ADGRV1: variants seen among roughly 807,000 people sequenced by gnomAD.
ADGRV1 encodes the protein adhesion G protein-coupled receptor V1.
Under a neutral mutation model 596.2 loss-of-function variants are expected in ADGRV1, and 359 were observed. The ratio of observed to expected loss-of-function variants is 0.60; its 90% CI spans 0.55 to 0.66. The LOEUF (loss-of-function observed/expected upper bound fraction) is 0.66. Ranked by LOEUF, ADGRV1 falls within the 30% of genes least tolerant of loss-of-function variation. ADGRV1 has a pLI of 0.00. For synonymous variants in ADGRV1, 2,681 were observed against 2,679.2 expected (o/e 1.00, Z -0.02); for missense variants, 7,274 against 7,575.6 (o/e 0.96, Z 1.48).
In ADGRV1 at chr5:91,072,195, G is replaced by T. The variant is rs546795297; in HGVS notation, c.18153-252G>T. Among the ~76,000 whole-genome samples, 137 of 151,962 alleles carry T rather than the reference G, an allele frequency of 9.0e-4. No homozygotes were observed. Among genetic ancestry groups the T allele is most frequent in the Non-Finnish European group, 1.6e-3 (107 of 67,984 alleles). On this transcript the variant is annotated intron_variant, in intron 85 of 89. Coordinates refer to ENST00000405460, the MANE Select transcript of ADGRV1 (RefSeq NM_032119.4). ...AGTGTGCATCTCTCAAATTTATTTG[G>T]CCATAAGCTTTTTTGAAGTTTTCTG...
At chr5:90,713,175 A>ATTCATC (rs1749614190) in intron 42 of ADGRV1, among the ~76,000 whole-genome samples, 1 of 152,124 alleles carries the variant, frequency 6.6e-6, no homozygotes, top group African/African-American at 2.4e-5. Context: ...TTTTTTAAAA[A>ATTCATC]AAATTTTAGT....
chr5:90,809,441 C>T (rs1365245286), intron 73 of ADGRV1, among the ~76,000 whole-genome samples: 1 of 152,124 alleles, frequency 6.6e-6, no homozygotes, highest in Non-Finnish European at 1.5e-5. Context: ...CAGAAGCACA[C>T]AGTTAATATA....
In ADGRV1 at chr5:90,703,779, A is replaced by G. The variant is rs1748221556; in HGVS notation, c.8270A>G (p.Gln2757Arg). The change falls in exon 35 of 90, where the codon CAA (glutamine) becomes CGA (arginine). Residue 2757 changes from glutamine to arginine, a missense_variant. By Grantham distance (43) the Gln-to-Arg change is conservative (BLOSUM62 1). Around this residue, in one of 5 missense-constraint regions of ADGRV1, gnomAD observed 3,643 missense variants for 3,809.2 expected, o/e 0.96. Coordinates refer to ENST00000405460, the MANE Select transcript of ADGRV1 (RefSeq NM_032119.4). ...LELNFANFSG[Q>R]LFFPEGSLNT... ...CTCAATTTTGCTAACTTTAGCGGAC[A>G]ACTTTTCTTTCCTGAGGTAATACTG... 6.3e-7 allele frequency: 1 copy of G among 1,598,044 alleles called. No homozygotes were observed. The highest frequency in any genetic ancestry group is 8.5e-7 in the Non-Finnish European group (1 of 1,172,052).
chr5:91,033,841 T>TA (rs1373619786), intron 85 of ADGRV1, among the ~76,000 whole-genome samples: 1 of 152,198 alleles, frequency 6.6e-6, no homozygotes, highest in Non-Finnish European at 1.5e-5. Flanking sequence ...GGGGGATTCT[T>TA]ACACATCAGT....
At chr5:90,780,152 TAG>T (rs1758687993) in intron 64 of ADGRV1, 3 of 152,310 alleles carry the variant, frequency 2.0e-5, no homozygotes, top group Middle Eastern at 6.8e-3. Flanking sequence ...ACTGACCAGC[TAG>T]AGCTTGAGGA....
At chr5:90,853,113 A>G (rs1367100962) in intron 79 of ADGRV1, among the ~76,000 whole-genome samples, 171 bp from the exon 80 acceptor site, 1 of 152,182 alleles carries the variant, frequency 6.6e-6, no homozygotes, top group African/African-American at 2.4e-5. Flanking sequence ...AAATCATGAC[A>G]ATTATCCACA....
At chr5:90,640,570 A>G (rs1362113151) in intron 11 of ADGRV1, 1 of 152,236 alleles carries the variant, frequency 6.6e-6, no homozygotes, top group Non-Finnish European at 1.5e-5. Context: ...AATGTCTTGA[A>G]TGGGTCTTGA....
chr5:90,961,511 G>C (rs796645893), intron 83 of ADGRV1, among the ~76,000 whole-genome samples: 4 of 145,448 alleles, frequency 2.8e-5, no homozygotes, highest in Non-Finnish European at 4.5e-5. Context: ...AAAAAAAGGG[G>C]GGGTGGCGGT....
chr5:90,962,621 A>ATT (rs1778128961), intron 83 of ADGRV1, among the ~76,000 whole-genome samples: 2 of 152,180 alleles, frequency 1.3e-5, no homozygotes, highest in African/African-American at 4.8e-5. Flanking sequence ...GCCTGGTCAC[A>ATT]TTTAATACCT....
chr5:90,853,014 A>T (rs1258487083), intron 79 of ADGRV1, among the ~76,000 whole-genome samples: 1 of 152,220 alleles, frequency 6.6e-6, no homozygotes, highest in African/African-American at 2.4e-5. Flanking sequence ...CACAGATTTC[A>T]TCTTGATATC....
At position 91,163,859 on chromosome 5, in the gene ADGRV1, G is replaced by T; in HGVS notation, c.18880G>T (p.Val6294Leu). The change falls in exon 90 of 90, where the codon GTG becomes TTG. Residue 6294 changes from valine (V) to leucine (L), a missense_variant. By Grantham distance (32) the Val-to-Leu change is conservative. Coordinates refer to ENST00000405460, the MANE Select transcript of ADGRV1 (RefSeq NM_032119.4). ...GGGCACCTTGACTGACTCCCAGATCGTGGAGCTCAGGAGGATACCCATCGC... is the reference window on the plus strand; with the variant it reads ...GGGCACCTTGACTGACTCCCAGATCTTGGAGCTCAGGAGGATACCCATCGC... ...EGGTLTDSQI[V>L]ELRRIPIADT... 6.2e-7 allele frequency: 1 copy of T among 1,604,924 alleles called. No individual in the cohort carries two copies. The highest frequency in any genetic ancestry group is 8.5e-7 in the Non-Finnish European group (1 of 1,173,340).
chr5:90,906,905 T>C (rs1007455786), intron 83 of ADGRV1, among the ~76,000 whole-genome samples: 1 of 152,176 alleles, frequency 6.6e-6, no homozygotes, highest in Non-Finnish European at 1.5e-5. Context: ...CATGAATAAC[T>C]TGAGTAATAA....
chr5:90,777,762 T>A, intron 61 of ADGRV1, 143 bp from the exon 62 acceptor site: 1 of 710,962 alleles, frequency 1.4e-6, no homozygotes, highest in Non-Finnish European at 2.2e-6. Flanking sequence ...TCCTTTGGTT[T>A]ATAGTTTGGT....
At chr5:91,069,634 A>G (rs1474103495) in intron 85 of ADGRV1, among the ~76,000 whole-genome samples, 9 of 152,234 alleles carry the variant, frequency 5.9e-5, no homozygotes, top group Non-Finnish European at 8.8e-5. Flanking sequence ...GTGGTGGAGA[A>G]AAGTGAATGC....
intron 86 of ADGRV1, among the ~76,000 whole-genome samples, chr5:91,096,477 T>C (rs190836300): frequency 1.3e-5 from 2 of 152,332 alleles, no homozygotes; most frequent in Non-Finnish European, 2.9e-5. Flanking sequence ...ACTTGCTGGT[T>C]TGTTGTTTGT....
intron 70 of ADGRV1, chr5:90,791,951 C>T (rs1435550976): frequency 6.6e-6 from 1 of 152,318 alleles, no homozygotes; most frequent in Non-Finnish European, 1.5e-5. Context: ...GTCTGAACCA[C>T]AGAAAGTGAT....
chr5:90,764,274 C>T (rs543332770), intron 59 of ADGRV1, among the ~76,000 whole-genome samples: 1 of 152,168 alleles, frequency 6.6e-6, no homozygotes, highest in South Asian at 2.1e-4. Context: ...AAGGCCTCTT[C>T]CCCAACTCCA....
intron 48 of ADGRV1, among the ~76,000 whole-genome samples, chr5:90,728,465 A>G (rs1752090074): frequency 6.6e-6 from 1 of 152,176 alleles, no homozygotes; most frequent in South Asian, 2.1e-4. Context: ...ACTTATGTGC[A>G]TAGACATATA....
At chr5:90,605,774 A>T (rs1762044809) in intron 1 of ADGRV1, among the ~76,000 whole-genome samples, 1 of 152,212 alleles carries the variant, frequency 6.6e-6, no homozygotes, top group Non-Finnish European at 1.5e-5. Flanking sequence ...GGAACAAAAT[A>T]TTTACAAGAA....
Sources: gnomAD v4.1 joint callset for allele counts (sites outside exome capture counted in the v4.1 genomes callset) on GRCh38, gnomAD v4.1.1 for gene constraint, gnomAD v4.1.1 regional missense constraint, MANE v1.5 for transcripts, NCBI Gene and HGNC (gene_info 2026-07-23, HGNC 2026-07-21) for gene names.